Variants in FRMD6 observed in about 807,000 individuals in gnomAD.
The protein encoded by FRMD6 is FERM domain-containing protein 6.
FRMD6 carries 37 observed loss-of-function variants against 73.2 expected under a neutral mutation model. The ratio of observed to expected loss-of-function variants is 0.51; its 90% CI spans 0.39 to 0.66. The LOEUF (loss-of-function observed/expected upper bound fraction) is 0.66. Among genes scored for constraint, FRMD6 ranks in the 30% least tolerant of loss-of-function variants. FRMD6 has a pLI of 0.00. For synonymous variants in FRMD6, 273 were observed against 282.2 expected, an observed-to-expected ratio of 0.97 and a Z score of 0.33; for missense variants, 714 against 780.5, an observed-to-expected ratio of 0.91 and a Z score of 1.02.
chr14:51,606,902 G>A (rs1890280478), intron 2 of FRMD6, among the ~76,000 whole-genome samples: 1 of 152,130 alleles, frequency 6.6e-6, no homozygotes, highest in African/African-American at 2.4e-5. Flanking sequence ...GAGGGGGCTG[G>A]CATAAGTTCT....
At chr14:51,522,179 C>T (rs1285823417) in intron 1 of FRMD6, among the ~76,000 whole-genome samples, 1 of 152,146 alleles carries the variant, frequency 6.6e-6, no homozygotes, top group East Asian at 1.9e-4. Flanking sequence ...ATACCTCATA[C>T]TGATTTATTC....
intron 2 of FRMD6, among the ~76,000 whole-genome samples, chr14:51,591,774 T>G (rs10136289): frequency 6.6e-6 from 1 of 152,070 alleles, no homozygotes; most frequent in African/African-American, 2.4e-5. Flanking sequence ...AACTCCTGAC[T>G]TCGTGATCCA....
At chr14:51,402,926 C>T in the FRMD6 span, among the ~76,000 whole-genome samples, 26 of 152,124 alleles carry the variant, frequency 1.7e-4, no homozygotes, top group Admixed American at 1.6e-3. Context: ...GCGTGAGCCA[C>T]CGCGCCCAGC....
intron 1 of FRMD6, among the ~76,000 whole-genome samples, chr14:51,557,893 AC>A (rs368072726): frequency 2.2e-3 from 334 of 152,040 alleles, no homozygotes; most frequent in Middle Eastern, 0.01. Flanking sequence ...TAATTTGTAC[AC>A]CAAACCCCTG....
chr14:51,707,772 T>C, intron 6 of FRMD6, among the ~76,000 whole-genome samples: 1 of 152,146 alleles, frequency 6.6e-6, no homozygotes, highest in Admixed American at 6.6e-5. Flanking sequence ...TGTACAAAAT[T>C]ATGAAAGTTT....
chr14:51,418,765 C>G, the FRMD6 span, among the ~76,000 whole-genome samples: 1 of 152,250 alleles, frequency 6.6e-6, no homozygotes, highest in South Asian at 2.1e-4. Flanking sequence ...TTTTATTCAG[C>G]TATGCCCTGC....
Position 51,605,001 on chromosome 14 carries a change from G to A in FRMD6, c.-147+34591G>A, listed in dbSNP as rs1403952931. Among the ~76,000 whole-genome samples the A allele has an allele frequency of 3.9e-5, 6 of 152,214 alleles. No homozygotes were observed. In the East Asian group the frequency reaches 1.2e-3, roughly 29 times the overall value. On this transcript the variant is annotated intron_variant, in intron 2 of 14. Transcript: ENST00000356218. ...CGAGCTGTGATCTCAAGATACATGA[G>A]GGGTAAAACAAACAGAAACCAACCA...
chr14:51,434,475 G>A, the FRMD6 span, among the ~76,000 whole-genome samples: 1 of 151,966 alleles, frequency 6.6e-6, no homozygotes, highest in Non-Finnish European at 1.5e-5. Flanking sequence ...ACTTGAAGGG[G>A]TTCCTTTTGT....
intron 1 of FRMD6, among the ~76,000 whole-genome samples, chr14:51,653,044 C>T (rs1271978970): frequency 6.6e-6 from 1 of 152,092 alleles, no homozygotes; most frequent in Non-Finnish European, 1.5e-5. Context: ...TATTTTTTTA[C>T]GCAAAATCTG....
At chr14:51,464,730 G>A in the FRMD6 span, among the ~76,000 whole-genome samples, 4 of 152,302 alleles carry the variant, frequency 2.6e-5, no homozygotes, top group South Asian at 2.1e-4. Context: ...ACGTAGAGTG[G>A]TAGTGAGGTC....
At chr14:51,680,622 T>G (rs1056652494) in intron 1 of FRMD6, among the ~76,000 whole-genome samples, 5 of 152,152 alleles carry the variant, frequency 3.3e-5, no homozygotes, top group African/African-American at 9.6e-5. Flanking sequence ...CTTGCTTTTT[T>G]TTTCTCTTTG....
chr14:51,425,795 T>C, the FRMD6 span, among the ~76,000 whole-genome samples: 1 of 152,212 alleles, frequency 6.6e-6, no homozygotes, highest in Non-Finnish European at 1.5e-5. Context: ...ACTTCCATCA[T>C]GACACTTCCA....
chr14:51,722,093 G>A lies in FRMD6; in HGVS notation c.1492+13G>A, dbSNP rs750701109. The A allele has an allele frequency of 2.5e-6, 4 of 1,613,194 alleles. No homozygotes were observed. The highest frequency in any genetic ancestry group is 2.2e-5 in the South Asian group (2 of 91,006). On this transcript the variant is annotated intron_variant, in intron 12 of 13. Coordinates refer to ENST00000344768, the MANE Select transcript of FRMD6 (RefSeq NM_001267046.2). ...AATGGACACTCTGGTGAGCTCTTAC[G>A]GGAAGTTATTCTTCCTTGGTAGCAG...
chr14:51,673,235 G>C (rs962066680), intron 1 of FRMD6, among the ~76,000 whole-genome samples: 4 of 151,816 alleles, frequency 2.6e-5, no homozygotes, highest in African/African-American at 4.8e-5. Context: ...CCTATTGCTT[G>C]TCGAAGATTC....
At chr14:51,583,694 G>T (rs1186922924) in intron 2 of FRMD6, among the ~76,000 whole-genome samples, 1 of 152,182 alleles carries the variant, frequency 6.6e-6, no homozygotes, top group East Asian at 1.9e-4. Context: ...ACTCCAGGTG[G>T]TCTGGCTCCA....
chr14:51,432,688 C>G, the FRMD6 span, among the ~76,000 whole-genome samples: 1 of 152,208 alleles, frequency 6.6e-6, no homozygotes, highest in Non-Finnish European at 1.5e-5. Context: ...CCTGAATACT[C>G]AGACCATTGA....
chr14:51,491,604 A>G (rs748220238), intron 1 of FRMD6: 2 of 152,272 alleles, frequency 1.3e-5, no homozygotes, highest in South Asian at 2.1e-4. Flanking sequence ...AGTAAGGACT[A>G]CTGGTATCCC....
intron 1 of FRMD6, among the ~76,000 whole-genome samples, chr14:51,678,949 A>G (rs1894591465): frequency 6.6e-6 from 1 of 152,172 alleles, no homozygotes; most frequent in Admixed American, 6.5e-5. Flanking sequence ...TCCGTGAGGA[A>G]AAGAACTGCA....
chr14:51,492,709 G>A (rs1388822544), intron 1 of FRMD6, among the ~76,000 whole-genome samples: 1 of 152,170 alleles, frequency 6.6e-6, no homozygotes, highest in African/African-American at 2.4e-5. Flanking sequence ...AATATTAATT[G>A]AACAGGTAGT....
Sources: gnomAD v4.1 joint callset for allele counts (sites outside exome capture counted in the v4.1 genomes callset) on GRCh38, gnomAD v4.1.1 for gene constraint, MANE v1.5 for transcripts, NCBI Gene and HGNC (gene_info 2026-07-23, HGNC 2026-07-21) for gene names.